The following FGD3 variants were observed in gnomAD, a reference collection of about 807,000 sequenced individuals.
FGD3 encodes FYVE, RhoGEF and PH domain-containing protein 3.
In FGD3, 45 loss-of-function variants were observed where a neutral mutation model predicts 71.8. The ratio of observed to expected loss-of-function variants is 0.63; its 90% CI spans 0.49 to 0.80. The LOEUF is 0.80. Among genes scored for constraint, FGD3 ranks in the 30% least tolerant of loss-of-function variants. The probability of loss-of-function intolerance (pLI) is 0.00; values close to 1 mark genes in which losing one functional copy is unlikely to be tolerated. For missense variants in FGD3, 844 were observed against 951.5 expected, an observed-to-expected ratio of 0.89 and a Z score of 1.49; for synonymous variants, 378 against 392.8, an observed-to-expected ratio of 0.96 and a Z score of 0.44.
At chr9:93,014,146 C>A in intron 9 of FGD3, 148 bp downstream of exon 9, 1 of 1,048,590 alleles carries the variant, frequency 9.5e-7, no homozygotes, top group African/African-American at 1.7e-5. Flanking sequence ...CTGAGACCCT[C>A]AGCATCCCTC....
rs1587880090 is a variant in FGD3, at chr9:93,035,952, G to A, written c.*363G>A. ...CAGCCACATCCTGCTGGTCTGCAGC[G>A]TGGTCCACCCCGCCTCTGCCCAGCC... On this transcript the variant is annotated 3_prime_UTR_variant, in exon 18 of 18. Coordinates refer to ENST00000375482, the MANE Select transcript of FGD3 (RefSeq NM_001083536.2). 2.5e-5 allele frequency: 6 copies of A among 237,782 alleles called. No individual in the cohort carries two copies. The East Asian group carries it at 4.9e-4, about 19-fold the overall frequency. 14.7% of individuals were successfully genotyped at this position (237,782 alleles called of 1,614,324 possible). A position where few individuals can be genotyped will look rare whatever the true frequency, so the allele number is the denominator to read the frequency against.
intron 5 of FGD3, among the ~76,000 whole-genome samples, chr9:93,005,454 G>C (rs560730047): frequency 1.5e-4 from 23 of 152,176 alleles, no homozygotes; most frequent in African/African-American, 4.3e-4. Context: ...TATAAGTGCA[G>C]TTCACAGTCA....
At position 93,006,126 on chromosome 9, in the gene FGD3, G is replaced by A; in HGVS notation, c.783G>A (p.Val261=). ...ACTTTGACCGAGCCGTAGGGCTGGTGAGCACGTGGACCCAGCGCTCCCCAC... is the reference window on the plus strand; with the variant it reads ...ACTTTGACCGAGCCGTAGGGCTGGTAAGCACGTGGACCCAGCGCTCCCCAC... ...VKNFDRAVGL[V]STWTQRSPLF... The change falls in exon 6 of 18, where the codon GTG becomes GTA. Residue 261 remains valine, a synonymous_variant. Coordinates refer to ENST00000375482, the MANE Select transcript of FGD3 (RefSeq NM_001083536.2). The A allele has an allele frequency of 6.2e-7, 1 of 1,613,468 alleles. No homozygotes were observed. The highest frequency in any genetic ancestry group is 8.5e-7 in the Non-Finnish European group (1 of 1,179,716).
chr9:93,023,586 GAA>G (rs1473719296), intron 14 of FGD3, among the ~76,000 whole-genome samples: 3 of 152,054 alleles, frequency 2.0e-5, no homozygotes, highest in African/African-American at 7.2e-5. Flanking sequence ...TCCTAGGAGA[GAA>G]TCTCCTCTCA....
At chr9:92,957,389 T>A (rs958952395) in intron 1 of FGD3, among the ~76,000 whole-genome samples, 2 of 152,240 alleles carry the variant, frequency 1.3e-5, no homozygotes, top group African/African-American at 2.4e-5. Context: ...TCAGTCTTTT[T>A]CACTGTAGCG....
Position 93,010,336 on chromosome 9 carries a change from T to C in FGD3, c.928T>C (p.Tyr310His), listed in dbSNP as rs1861263028. Residue 310 changes from tyrosine to histidine, a missense_variant, in exon 7 of 18, where the codon TAT (tyrosine) becomes CAT (histidine). Coordinates refer to ENST00000375482, the MANE Select transcript of FGD3 (RefSeq NM_001083536.2). ...CCGGTACGAGCTGCTGCTCAAGGAC[T>C]ATCTGAAGAGGCTCCCGCAGGACGC... The part of the protein sequence containing the change: ...VPRYELLLKD[Y>H]LKRLPQDAPD... 1.2e-6 allele frequency: 2 copies of C among 1,613,544 alleles called. No homozygotes were observed. The highest frequency in any genetic ancestry group is 2.2e-5 in the East Asian group (1 of 44,856).
intron 1 of FGD3, among the ~76,000 whole-genome samples, chr9:92,970,017 T>G (rs1859476330): frequency 6.6e-6 from 1 of 152,180 alleles, no homozygotes; most frequent in Non-Finnish European, 1.5e-5. Flanking sequence ...GCTCCAGCCT[T>G]GCTCACCTCA....
At chr9:93,022,068 G>A (rs1861939615) in intron 13 of FGD3, among the ~76,000 whole-genome samples, 1 of 152,278 alleles carries the variant, frequency 6.6e-6, no homozygotes, top group South Asian at 2.1e-4. Flanking sequence ...TGAATAGGGC[G>A]GGCCAGAGGG....
intron 10 of FGD3, 106 bp from the exon 11 acceptor site, chr9:93,018,030 C>T (rs752831090): frequency 4.0e-5 from 42 of 1,057,050 alleles, no homozygotes; most frequent in Non-Finnish European, 6.0e-5. Flanking sequence ...GCTGCAGGCT[C>T]ACCTCTGTTA....
intron 3 of FGD3, among the ~76,000 whole-genome samples, chr9:92,979,942 T>TTC (rs556962773): frequency 7.9e-5 from 12 of 151,564 alleles, no homozygotes; most frequent in African/African-American, 2.0e-4. Context: ...TAGTTGAGTC[T>TTC]TCTCTCTCTC....
Position 93,032,759 on chromosome 9 carries a change from T to G in FGD3, c.1681-10T>G. The stretch of plus-strand genomic sequence containing the variant: ...GGGTGCTGGGGTCACACGTGCCCTC[T>G]GTTTGGCAGGTCATCTGTGGGAAGT... On this transcript the variant is annotated splice_polypyrimidine_tract_variant and intron_variant, in intron 15 of 17. Transcript: ENST00000375482. 1.2e-6 allele frequency: 2 copies of G among 1,613,976 alleles called. No homozygotes were observed. Among genetic ancestry groups the G allele is most frequent in the Non-Finnish European group, 1.7e-6 (2 of 1,179,818 alleles).
intron 5 of FGD3, 53 bp downstream of exon 5, chr9:93,004,190 G>C: frequency 6.2e-7 from 1 of 1,600,252 alleles, no homozygotes; most frequent in Non-Finnish European, 8.5e-7. Context: ...CTCTAGACCA[G>C]GGTTCATGTG....
intron 17 of FGD3, among the ~76,000 whole-genome samples, chr9:93,035,048 C>A (rs906151752): frequency 6.6e-6 from 1 of 152,198 alleles, no homozygotes; most frequent in Non-Finnish European, 1.5e-5. Flanking sequence ...TGCCTCGCCT[C>A]CCCAGGGGCC....
At chr9:93,001,235 G>A (rs550168588) in intron 3 of FGD3, among the ~76,000 whole-genome samples, 11 of 151,902 alleles carry the variant, frequency 7.2e-5, no homozygotes, top group Admixed American at 7.2e-4. Context: ...TTATCTCATT[G>A]AGCATCTTTA....
rs1041153177 is a variant in FGD3, at chr9:93,006,164, T to C, written c.821T>C (p.Val274Ala). 9 of 1,590,566 alleles carry C rather than the reference T, an allele frequency of 5.7e-6. No individual in the cohort carries two copies. Among genetic ancestry groups the C allele is most frequent in the Non-Finnish European group, 7.7e-6 (9 of 1,165,684 alleles). The change falls in exon 6 of 18, where the codon GTC becomes GCC. Residue 274 changes from valine (V) to alanine (A), a missense_variant. By Grantham distance (64) the Val-to-Ala change is moderately conservative. Transcript: ENST00000375482. Reference sequence around the variant, plus strand: ...CAGCGCTCCCCACTGTTTAAAGACGTCGTCCACAGCATCCAGGTAAGGCCG... The same window carrying C: ...CAGCGCTCCCCACTGTTTAAAGACGCCGTCCACAGCATCCAGGTAAGGCCG... ...WTQRSPLFKD[V>A]VHSIQKQEVC...
intron 3 of FGD3, among the ~76,000 whole-genome samples, chr9:93,000,971 CTTCT>C (rs1029199380): frequency 6.6e-6 from 1 of 151,964 alleles, no homozygotes; most frequent in African/African-American, 2.4e-5. Flanking sequence ...TCTCCTTGCT[CTTCT>C]TTCTTTTTTT....
chr9:92,983,552 AT>A (rs1860077321), intron 3 of FGD3, among the ~76,000 whole-genome samples: 1 of 152,216 alleles, frequency 6.6e-6, no homozygotes, highest in Non-Finnish European at 1.5e-5. Flanking sequence ...AAAAACAGTT[AT>A]CATTATTAGT....
Position 93,003,027 on chromosome 9 carries a change from G to A in FGD3, c.543+13G>A, listed in dbSNP as rs1481401061. ...CCTGCTGGACCAGGTAGCCCACATG[G>A]CTTGGGGGCAGTTTCAGTATCTCTT... On this transcript the variant is annotated intron_variant, in intron 4 of 17. Transcript: ENST00000375482. The surrounding 1 kb of genome is among the most constrained non-coding windows in gnomAD (Gnocchi z 4.1). 1.9e-6 allele frequency: 3 copies of A among 1,613,190 alleles called. No individual in the cohort carries two copies. Among genetic ancestry groups the A allele is most frequent in the African/African-American group, 1.3e-5 (1 of 74,920 alleles).
chr9:92,977,128 A>AG (rs1859790410), intron 3 of FGD3, among the ~76,000 whole-genome samples: 1 of 152,166 alleles, frequency 6.6e-6, no homozygotes, highest in Admixed American at 6.5e-5. Context: ...TGAGGCACAG[A>AG]GGGCATGGTA....
Sources: allele counts gnomAD v4.1 joint callset (sites outside exome capture counted in the v4.1 genomes callset), GRCh38; gene constraint gnomAD v4.1.1; non-coding constraint Gnocchi (gnomAD v3.1); transcripts MANE v1.5; gene names NCBI Gene and HGNC (gene_info 2026-07-23, HGNC 2026-07-21).